The following PADI2 variants were observed in gnomAD, a reference collection of about 807,000 sequenced individuals.
PADI2 encodes the protein protein-arginine deiminase type-2.
In PADI2, 70 loss-of-function variants were observed where a neutral mutation model predicts 81.1. The observed-to-expected ratio is 0.86, with a 90% CI of 0.71 to 1.05. The LOEUF (loss-of-function observed/expected upper bound fraction) is 1.05. PADI2 is among the 50% of genes least tolerant of loss of function. The pLI is 0.00. For missense variants in PADI2, 853 were observed against 889.9 expected (o/e 0.96, Z 0.53); for synonymous variants, 338 against 358.0 (o/e 0.94, Z 0.63).
chr1:17,119,322 G>A lies in PADI2; in HGVS notation c.50C>T (p.Ala17Val). ...VRLQYGSRVEAVYVLGTYLWT... is the reference protein window; with the variant it reads ...VRLQYGSRVEVVYVLGTYLWT... Reference sequence around the variant, plus strand: ...GAGGTAGGTGCCCAGCACGTACACCGCCTCCACGCGGCTCCCGTACTGCAG... The same window carrying A: ...GAGGTAGGTGCCCAGCACGTACACCACCTCCACGCGGCTCCCGTACTGCAG... Residue 17 changes from alanine (A) to valine (V), a missense_variant, in exon 1 of 16, where the codon GCG (alanine) becomes GTG (valine). Ala to Val is a moderately conservative substitution (Grantham distance 64). Transcript: ENST00000375486. This position sits in a 1 kb window ranked among gnomAD's most constrained non-coding sequence, Gnocchi z 4.8. 1 of 1,559,382 alleles carries A rather than the reference G, an allele frequency of 6.4e-7. No homozygotes were observed.
rs2078243490 is a variant in PADI2 at position 17,068,795 on chromosome 1, T to C, written c.*249A>G. On this transcript the variant is annotated 3_prime_UTR_variant, in exon 16 of 16. Coordinates refer to ENST00000375486, the MANE Select transcript of PADI2 (RefSeq NM_007365.3). The stretch of plus-strand genomic sequence containing the variant: ...GTGTTTTGTTGTGTTCTGTTCCTTA[T>C]GTCAGGGCTACAGAGACACTGGCCC... 3 of 552,178 alleles carry C rather than the reference T, an allele frequency of 5.4e-6. No homozygotes were observed. The highest frequency in any genetic ancestry group is 9.8e-6 in the Non-Finnish European group (3 of 307,666). 34.2% of individuals were successfully genotyped at this position (552,178 alleles called of 1,614,324 possible). A position where few individuals can be genotyped will look rare whatever the true frequency, so the allele number is the denominator to read the frequency against.
chr1:17,114,350 G>A (rs1180930847), intron 1 of PADI2, among the ~76,000 whole-genome samples: 1 of 152,274 alleles, frequency 6.6e-6, no homozygotes, highest in East Asian at 1.9e-4. Flanking sequence ...CACAAACAAG[G>A]AGGAGGCACG....
intron 6 of PADI2, among the ~76,000 whole-genome samples, chr1:17,088,461 C>T (rs1372270908): frequency 1.3e-5 from 2 of 152,092 alleles, no homozygotes; most frequent in South Asian, 2.1e-4. Context: ...GTGGATGAAC[C>T]GCGAAGCCAG....
chr1:17,101,552 C>G (rs569016887), intron 3 of PADI2, among the ~76,000 whole-genome samples: 1 of 152,110 alleles, frequency 6.6e-6, no homozygotes, highest in Non-Finnish European at 1.5e-5. Flanking sequence ...AAGGTCATCC[C>G]GAGGTTCCCT....
chr1:17,082,329 A>G (rs761271464), intron 10 of PADI2, among the ~76,000 whole-genome samples: 5 of 152,196 alleles, frequency 3.3e-5, no homozygotes, highest in African/African-American at 4.8e-5. Flanking sequence ...CCCATTTCCC[A>G]CTAGAAAACT....
chr1:17,116,475 G>C (rs1300189763), intron 1 of PADI2, among the ~76,000 whole-genome samples: 50 of 152,178 alleles, frequency 3.3e-4, no homozygotes, highest in Non-Finnish European at 4.4e-5. Flanking sequence ...CTTGAGCCAG[G>C]ACCTGTGTCC....
intron 3 of PADI2, 76 bp downstream of exon 3, chr1:17,102,911 T>G: frequency 1.8e-6 from 2 of 1,115,210 alleles, no homozygotes; most frequent in Non-Finnish European, 2.7e-6. Flanking sequence ...GAGAACCGCC[T>G]AAGTGCCCCA....
intron 3 of PADI2, among the ~76,000 whole-genome samples, chr1:17,099,700 G>T (rs1430689985): frequency 6.6e-6 from 1 of 152,200 alleles, no homozygotes; most frequent in Non-Finnish European, 1.5e-5. Context: ...GAGAGAAAAT[G>T]CGGCCACCTC....
At chr1:17,096,579 A>G (rs770757551) in intron 3 of PADI2, among the ~76,000 whole-genome samples, 1 of 152,128 alleles carries the variant, frequency 6.6e-6, no homozygotes, top group Non-Finnish European at 1.5e-5. Flanking sequence ...GTCTGAGGTC[A>G]CCTGTGAGTC....
chr1:17,088,255 A>G (rs1162209276), intron 6 of PADI2, among the ~76,000 whole-genome samples: 1 of 152,144 alleles, frequency 6.6e-6, no homozygotes, highest in East Asian at 1.9e-4. Flanking sequence ...GCATTGGTAA[A>G]GGCATGGAGG....
intron 1 of PADI2, among the ~76,000 whole-genome samples, chr1:17,109,996 G>C (rs147499948): frequency 6.6e-6 from 1 of 152,088 alleles, no homozygotes; most frequent in Non-Finnish European, 1.5e-5. Flanking sequence ...AGCCCACATC[G>C]CAGCTCCAGG....
At chr1:17,081,919 C>A (rs373783554) in intron 10 of PADI2, among the ~76,000 whole-genome samples, 2 of 152,168 alleles carry the variant, frequency 1.3e-5, no homozygotes, top group African/African-American at 4.8e-5. Context: ...TCGAGACCAG[C>A]CTGGCCAACA....
intron 6 of PADI2, among the ~76,000 whole-genome samples, chr1:17,087,734 G>C (rs911411084): frequency 8.5e-5 from 13 of 152,062 alleles, no homozygotes; most frequent in African/African-American, 2.7e-4. Context: ...CGAACTCCTT[G>C]CCTTTAGTGA....
rs1930512317 is a variant in PADI2, at chr1:17,087,423, A to G, written c.656-724T>C. Among the ~76,000 whole-genome samples the G allele has an allele frequency of 1.3e-5, 2 of 152,190 alleles. 1 individual carries two copies. Among genetic ancestry groups the G allele is most frequent in the South Asian group, 4.1e-4 (2 of 4,826 alleles). On this transcript the variant is annotated intron_variant, in intron 6 of 15. Transcript: ENST00000375486. ...GCCCAGTTTCCCCAGAGACAAAGCC[A>G]GGGGCTCTGTTTGGAGCTCCCACAG...
At chr1:17,104,426 C>CTTTTTTTTT (rs1233283967) in intron 2 of PADI2, among the ~76,000 whole-genome samples, 1 of 98,292 alleles carries the variant, frequency 1.0e-5, no homozygotes, top group African/African-American at 3.8e-5. Context: ...TTCTTTTTGC[C>CTTTTTTTTT]TTTTCTTTTT....
chr1:17,108,899 G>A (rs1194201922), intron 1 of PADI2, among the ~76,000 whole-genome samples: 1 of 152,236 alleles, frequency 6.6e-6, no homozygotes, highest in Non-Finnish European at 1.5e-5. Flanking sequence ...ATGGCCTCAG[G>A]TCTGGGAAGC....
chr1:17,070,288 C>A, intron 14 of PADI2, 72 bp from the exon 15 acceptor site: 1 of 1,585,126 alleles, frequency 6.3e-7, no homozygotes, highest in Non-Finnish European at 8.6e-7. Context: ...AACCCCATCC[C>A]TGTCTGCAGC....
chr1:17,076,134 G>A (rs1444487212), intron 11 of PADI2, among the ~76,000 whole-genome samples: 1 of 152,196 alleles, frequency 6.6e-6, no homozygotes, highest in Non-Finnish European at 1.5e-5. Context: ...TGGCCTGCTG[G>A]ACGGGGCTAG....
Position 17,095,926 on chromosome 1 carries a change from TCTC to T in PADI2, c.391_393del (p.Glu131del). On this transcript the variant is annotated inframe_deletion, in exon 4 of 16. Coordinates refer to ENST00000375486, the MANE Select transcript of PADI2 (RefSeq NM_007365.3). Reference sequence around the variant, plus strand: ...CTAGGTACCTTCTTTGGGTTGTTCTTCTCCACCACACCATCCCGGTCTGCGTCC... The same window carrying T: ...CTAGGTACCTTCTTTGGGTTGTTCTTCACCACACCATCCCGGTCTGCGTCC... 1 of 1,608,176 alleles carries T rather than the reference TCTC, an allele frequency of 6.2e-7. No individual in the cohort carries two copies. The highest frequency in any genetic ancestry group is 1.7e-5 in the Admixed American group (1 of 59,132).
Sources: gnomAD v4.1 joint callset for allele counts (sites outside exome capture counted in the v4.1 genomes callset) on GRCh38, gnomAD v4.1.1 for gene constraint, Gnocchi (gnomAD v3.1) non-coding constraint, MANE v1.5 for transcripts, NCBI Gene and HGNC (gene_info 2026-07-23, HGNC 2026-07-21) for gene names.